Variants in GLYATL1 observed in about 807,000 individuals in gnomAD.
GLYATL1 encodes the protein glycine-N-acyltransferase like 1, also known as glycine N-acyltransferase-like protein 1.
In GLYATL1, 15 loss-of-function variants were observed where a neutral mutation model predicts 20.0. The observed-to-expected ratio is 0.75, with a 90% CI of 0.50 to 1.15. GLYATL1 has a LOEUF of 1.15. Among genes scored for constraint, GLYATL1 ranks in the 50% most tolerant of loss-of-function variants. The pLI is 0.00. For missense variants in GLYATL1, 380 were observed against 368.5 expected (o/e 1.03, Z -0.26); for synonymous variants, 151 against 131.5 (o/e 1.15, Z -1.01).
At chr11:58,953,910 A>G (rs576012278) in intron 4 of GLYATL1, among the ~76,000 whole-genome samples, 6 of 152,280 alleles carry the variant, frequency 3.9e-5, no homozygotes, top group East Asian at 3.9e-4. Flanking sequence ...TCATCTTCCA[A>G]TGAAGTTTCT....
At chr11:58,913,693 G>T (rs1455313634) in intron 1 of GLYATL1, among the ~76,000 whole-genome samples, 1 of 152,174 alleles carries the variant, frequency 6.6e-6, no homozygotes, top group African/African-American at 2.4e-5. Flanking sequence ...GTTTTGATAT[G>T]GGCAGAAGGG....
At chr11:58,954,629 A>C (rs912457832) in intron 4 of GLYATL1, 141 bp from the exon 5 acceptor site, 6 of 673,150 alleles carry the variant, frequency 8.9e-6, no homozygotes, top group African/African-American at 1.8e-5. Flanking sequence ...CCTAGGTTTT[A>C]TTATCGATGT....
At chr11:58,946,983 A>T in intron 2 of GLYATL1, 63 bp from the exon 3 acceptor site, 2 of 1,203,282 alleles carry the variant, frequency 1.7e-6, no homozygotes, top group East Asian at 4.7e-5. Context: ...ATGGAGATGT[A>T]TAAAGTGCAT....
At chr11:58,922,316 T>C (rs1252028528) in intron 1 of GLYATL1, among the ~76,000 whole-genome samples, 1 of 152,210 alleles carries the variant, frequency 6.6e-6, no homozygotes, top group Non-Finnish European at 1.5e-5. Context: ...TATAAGGGCC[T>C]AGGGCTTCTC....
At chr11:58,930,689 T>G (rs567898316) in intron 1 of GLYATL1, among the ~76,000 whole-genome samples, 10 of 152,178 alleles carry the variant, frequency 6.6e-5, no homozygotes, top group Non-Finnish European at 1.5e-4. Flanking sequence ...TAACCTTTTA[T>G]GGAGAAAATT....
chr11:58,905,981 G>T (rs1056667098), intron 1 of GLYATL1, among the ~76,000 whole-genome samples: 1 of 152,170 alleles, frequency 6.6e-6, no homozygotes, highest in African/African-American at 2.4e-5. Flanking sequence ...GCTCCCTCCC[G>T]CGCGCCAGCC....
chr11:58,935,277 T>C (rs1162501343), upstream of GLYATL1: 1 of 152,230 alleles, frequency 6.6e-6, no homozygotes, highest in African/African-American at 2.4e-5. Context: ...TTTCGGGCAA[T>C]AGTCGCATAC....
At chr11:58,907,209 A>G (rs1278500060) in intron 1 of GLYATL1, 3 of 455,614 alleles carry the variant, frequency 6.6e-6, no homozygotes, top group Non-Finnish European at 8.8e-6. Context: ...ATATATCCTG[A>G]GTTTTCTGTC....
At chr11:58,915,448 G>T (rs1162542888) in intron 1 of GLYATL1, among the ~76,000 whole-genome samples, 1 of 152,162 alleles carries the variant, frequency 6.6e-6, no homozygotes, top group Non-Finnish European at 1.5e-5. Flanking sequence ...TGACTGAGGG[G>T]AAGGTAGTTG....
chr11:58,918,647 C>A (rs1169977769), intron 1 of GLYATL1, among the ~76,000 whole-genome samples: 1 of 152,072 alleles, frequency 6.6e-6, no homozygotes, highest in African/African-American at 2.4e-5. Context: ...TTGGCCAAAG[C>A]AACAGAATAA....
chr11:58,941,197 C>A (rs1174781379), intron 1 of GLYATL1, among the ~76,000 whole-genome samples: 45 of 114,176 alleles, frequency 3.9e-4, no homozygotes, highest in Non-Finnish European at 6.5e-4. Flanking sequence ...CCCCTCCCCC[C>A]ACCCCACAAC....
intron 1 of GLYATL1, among the ~76,000 whole-genome samples, chr11:58,918,875 A>G (rs535252203): frequency 6.6e-6 from 1 of 152,240 alleles, no homozygotes; most frequent in South Asian, 2.1e-4. Flanking sequence ...CCTCAGTGAC[A>G]TCTCGGTCTC....
At chr11:58,941,147 G>A (rs931082057) in intron 1 of GLYATL1, among the ~76,000 whole-genome samples, 7 of 150,210 alleles carry the variant, frequency 4.7e-5, no homozygotes, top group Non-Finnish European at 8.9e-5. Context: ...CCATTAACTC[G>A]TCATTTAGCA....
chr11:58,952,523 G>A (rs527661672), intron 4 of GLYATL1, among the ~76,000 whole-genome samples: 1 of 152,270 alleles, frequency 6.6e-6, no homozygotes, highest in Non-Finnish European at 1.5e-5. Context: ...GAATTTAAAT[G>A]TAAAATAATC....
At chr11:58,943,037 A>C (rs889941045) in intron 1 of GLYATL1, among the ~76,000 whole-genome samples, 5 of 152,184 alleles carry the variant, frequency 3.3e-5, no homozygotes, top group Admixed American at 3.3e-4. Context: ...GCAAAAACCC[A>C]ATTAGATGAG....
intron 1 of GLYATL1, chr11:58,905,782 G>T (rs1363520856): frequency 3.6e-5 from 14 of 385,672 alleles, no homozygotes; most frequent in African/African-American, 2.9e-4. Context: ...CGGCCTGGCC[G>T]TCTGACCCGC....
At chr11:58,952,403 G>A (rs1293407955) in intron 4 of GLYATL1, among the ~76,000 whole-genome samples, 59 of 152,204 alleles carry the variant, frequency 3.9e-4, no homozygotes, top group Non-Finnish European at 7.1e-4. Context: ...ATAAGGGAAT[G>A]TTGTCATAAC....
Position 58,955,291 on chromosome 11 carries a change from C to T in GLYATL1, c.429C>T (p.Ala143=). 1 of 1,614,102 alleles carries T rather than the reference C, an allele frequency of 6.2e-7. No individual in the cohort carries two copies. Among genetic ancestry groups the T allele is most frequent in the Non-Finnish European group, 8.5e-7 (1 of 1,179,974 alleles). The change falls in exon 6 of 7, where the codon GCC becomes GCT. Residue 143 remains alanine, a synonymous_variant. Coordinates refer to ENST00000532726, the MANE Select transcript of GLYATL1 (RefSeq NM_001389712.2). ...LVTEDILKLN[A]SSKSKLGSWA... The stretch of plus-strand genomic sequence containing the variant: ...CGGAAGATATTCTGAAGCTCAATGC[C>T]TCCAGTAAAAGCAAGCTTGGAAGCT...
At chr11:58,914,674 G>A (rs1194556450) in intron 1 of GLYATL1, among the ~76,000 whole-genome samples, 1 of 152,136 alleles carries the variant, frequency 6.6e-6, no homozygotes, top group East Asian at 1.9e-4. Flanking sequence ...GAGGTGATAG[G>A]ATTAACTCCC....
Sources: allele counts gnomAD v4.1 joint callset (sites outside exome capture counted in the v4.1 genomes callset), GRCh38; gene constraint gnomAD v4.1.1; transcripts MANE v1.5; gene names NCBI Gene and HGNC (gene_info 2026-07-23, HGNC 2026-07-21).